The following NKAIN3 variants were observed in gnomAD, a reference collection of about 807,000 sequenced individuals.
NKAIN3 encodes sodium/potassium-transporting ATPase subunit beta-1-interacting protein 3.
A neutral mutation model predicts 30.2 loss-of-function variants in NKAIN3; 25 were observed. The observed-to-expected ratio is 0.83, with a 90% CI of 0.60 to 1.16. The LOEUF is 1.16. Ranked by LOEUF, NKAIN3 falls within the 50% of genes most tolerant of loss-of-function variation. The pLI is 0.00. For synonymous variants in NKAIN3, 91 were observed against 89.6 expected (o/e 1.02, Z -0.09); for missense variants, 225 against 254.1 (o/e 0.89, Z 0.78).
intron 1 of NKAIN3, among the ~76,000 whole-genome samples, chr8:62,566,256 G>T (rs529020956): frequency 6.6e-5 from 10 of 152,200 alleles, no homozygotes; most frequent in African/African-American, 2.2e-4. Flanking sequence ...CTCAGGCAGA[G>T]GTTAAACACC....
chr8:62,697,673 T>G (rs1814207287), intron 3 of NKAIN3, among the ~76,000 whole-genome samples: 1 of 152,208 alleles, frequency 6.6e-6, no homozygotes, highest in African/African-American at 2.4e-5. Flanking sequence ...TTTTAGTTGA[T>G]GTTTGTTGAT....
At chr8:62,822,342 A>T (rs1215791763) in intron 4 of NKAIN3, among the ~76,000 whole-genome samples, 1 of 152,188 alleles carries the variant, frequency 6.6e-6, no homozygotes, top group East Asian at 1.9e-4. Flanking sequence ...AATCTTTAAT[A>T]TAAGAAGTGT....
chr8:62,529,698 G>A (rs954832570), intron 1 of NKAIN3, among the ~76,000 whole-genome samples: 1 of 152,090 alleles, frequency 6.6e-6, no homozygotes, highest in Non-Finnish European at 1.5e-5. Flanking sequence ...ATAAATATTT[G>A]TTGTTTATAA....
intron 3 of NKAIN3, among the ~76,000 whole-genome samples, chr8:62,741,363 G>GAAGGA (rs1815870117): frequency 6.2e-5 from 1 of 16,098 alleles, no homozygotes; most frequent in Non-Finnish European, 1.2e-4. Flanking sequence ...GAGAGAGAAA[G>GAAGGA]AAGGAAGGAA....
intron 4 of NKAIN3, among the ~76,000 whole-genome samples, chr8:62,890,016 C>A (rs992411360): frequency 6.6e-6 from 1 of 152,116 alleles, no homozygotes; most frequent in Non-Finnish European, 1.5e-5. Context: ...CTATATTCAC[C>A]TTCCCAATTA....
At chr8:62,525,491 G>A (rs1172527937) in intron 1 of NKAIN3, among the ~76,000 whole-genome samples, 1 of 152,124 alleles carries the variant, frequency 6.6e-6, no homozygotes, top group Non-Finnish European at 1.5e-5. Flanking sequence ...GTGAAAACAT[G>A]CGGTATTTGG....
intron 1 of NKAIN3, among the ~76,000 whole-genome samples, chr8:62,479,923 G>C (rs1235715989): frequency 1.3e-5 from 2 of 152,076 alleles, no homozygotes; most frequent in African/African-American, 2.4e-5. Flanking sequence ...TAAAAGAATA[G>C]GAAAAAATGA....
At chr8:62,868,745 T>A (rs1460195009) in intron 4 of NKAIN3, among the ~76,000 whole-genome samples, 1 of 152,176 alleles carries the variant, frequency 6.6e-6, no homozygotes, top group African/African-American at 2.4e-5. Flanking sequence ...CCTGATAAGC[T>A]CAGTTTCTAA....
intron 1 of NKAIN3, among the ~76,000 whole-genome samples, chr8:62,525,609 C>T (rs999078574): frequency 6.6e-6 from 1 of 152,140 alleles, no homozygotes; most frequent in Non-Finnish European, 1.5e-5. Context: ...CAGGTGTCTA[C>T]TTCTTAATTC....
intron 4 of NKAIN3, among the ~76,000 whole-genome samples, chr8:62,895,777 C>T (rs1054437793): frequency 1.3e-5 from 2 of 152,102 alleles, no homozygotes; most frequent in East Asian, 1.9e-4. Context: ...GGGCTGGGTC[C>T]TTCCTCCTAT....
intron 5 of NKAIN3, among the ~76,000 whole-genome samples, chr8:62,994,456 A>T (rs192008602): frequency 2.6e-5 from 4 of 152,198 alleles, no homozygotes; most frequent in Admixed American, 2.6e-4. Flanking sequence ...AATCAGTTGC[A>T]CTGGTCATCT....
rs559877049 is a variant in NKAIN3, at chr8:62,496,205, G to A, written c.55-83334G>A. Among the ~76,000 whole-genome samples, 4 of 152,232 alleles carry A rather than the reference G, an allele frequency of 2.6e-5. No homozygotes were observed. In the East Asian group the frequency reaches 7.7e-4, roughly 29 times the overall value. ...AGCATAAAAGGAAAGGCAGAAAATTGTAAATGCACACAAGAAGAAATAAGC... is the reference window on the plus strand; with the variant it reads ...AGCATAAAAGGAAAGGCAGAAAATTATAAATGCACACAAGAAGAAATAAGC... On this transcript the variant is annotated intron_variant, in intron 1 of 6. Coordinates refer to ENST00000623646, the MANE Select transcript of NKAIN3 (RefSeq NM_001304533.3).
intron 4 of NKAIN3, among the ~76,000 whole-genome samples, chr8:62,825,680 G>A (rs911051986): frequency 2.0e-5 from 3 of 152,212 alleles, no homozygotes; most frequent in African/African-American, 4.8e-5. Flanking sequence ...CTCTGGAGAT[G>A]TGCACTGACC....
chr8:62,891,599 C>T (rs553005312), intron 4 of NKAIN3, among the ~76,000 whole-genome samples: 8 of 152,198 alleles, frequency 5.3e-5, no homozygotes, highest in East Asian at 1.9e-4. Context: ...AGTGTCGCTG[C>T]GTGGTGGAAA....
chr8:62,929,884 T>C (rs1447396904), intron 5 of NKAIN3, among the ~76,000 whole-genome samples: 2 of 152,314 alleles, frequency 1.3e-5, no homozygotes, highest in African/African-American at 2.4e-5. Flanking sequence ...ATCATTAGTG[T>C]TAGCTTATTT....
At chr8:62,449,423 A>G (rs1188592992) in intron 1 of NKAIN3, among the ~76,000 whole-genome samples, 2 of 152,078 alleles carry the variant, frequency 1.3e-5, no homozygotes, top group African/African-American at 4.8e-5. Flanking sequence ...AAAGTGCATG[A>G]AGCACTCAGG....
At chr8:62,576,999 G>A (rs376407800) in intron 1 of NKAIN3, among the ~76,000 whole-genome samples, 7 of 152,218 alleles carry the variant, frequency 4.6e-5, no homozygotes, top group African/African-American at 1.7e-4. Flanking sequence ...TAAAATGGAA[G>A]TTAGATAGAA....
chr8:62,885,360 G>A (rs1296243585), intron 4 of NKAIN3, among the ~76,000 whole-genome samples: 1 of 152,166 alleles, frequency 6.6e-6, no homozygotes, highest in South Asian at 2.1e-4. Context: ...TGTATGATTT[G>A]TATGCTTTAA....
chr8:62,646,989 T>A (rs1812480062), intron 3 of NKAIN3, among the ~76,000 whole-genome samples: 1 of 152,124 alleles, frequency 6.6e-6, no homozygotes. Flanking sequence ...GAGTTCTTAA[T>A]TTACTCACTT....
Sources: gnomAD v4.1 joint callset for allele counts (sites outside exome capture counted in the v4.1 genomes callset) on GRCh38, gnomAD v4.1.1 for gene constraint, MANE v1.5 for transcripts, NCBI Gene and HGNC (gene_info 2026-07-23, HGNC 2026-07-21) for gene names.